PTBP3: variants seen among roughly 807,000 people sequenced by gnomAD.
PTBP3 encodes polypyrimidine tract-binding protein 3.
PTBP3 carries 20 observed loss-of-function variants against 58.7 expected under a neutral mutation model. That is an observed-to-expected ratio of 0.34 (90% confidence interval 0.24 to 0.50). The LOEUF (loss-of-function observed/expected upper bound fraction) is 0.50. Ranked by LOEUF, PTBP3 falls within the 20% of genes least tolerant of loss-of-function variation. The pLI is 0.98. For synonymous variants in PTBP3, 185 were observed against 219.8 expected (o/e 0.84, Z 1.40); for missense variants, 509 against 637.2 (o/e 0.80, Z 2.17).
chr9:112,296,879 C>G (rs1366942065), intron 2 of PTBP3, among the ~76,000 whole-genome samples: 1 of 152,130 alleles, frequency 6.6e-6, no homozygotes, highest in Non-Finnish European at 1.5e-5. Flanking sequence ...TTCAAACATT[C>G]AATTAATCAT....
chr9:112,230,487 G>A (rs1456371808), intron 10 of PTBP3, among the ~76,000 whole-genome samples: 3 of 151,958 alleles, frequency 2.0e-5, no homozygotes, highest in African/African-American at 7.3e-5. Context: ...AACTTTTCTA[G>A]ATAAAACATG....
At chr9:112,312,510 AAAAAG>A (rs1043040312) in intron 1 of PTBP3, among the ~76,000 whole-genome samples, 3 of 150,096 alleles carry the variant, frequency 2.0e-5, no homozygotes, top group African/African-American at 7.3e-5. Context: ...TAAAAAAAAA[AAAAAG>A]GACGTGTGTG....
chr9:112,277,634 ATCAC>A (rs1289791921), intron 2 of PTBP3, among the ~76,000 whole-genome samples: 3 of 151,962 alleles, frequency 2.0e-5, no homozygotes, highest in Non-Finnish European at 4.4e-5. Context: ...AGGTGGGCTG[ATCAC>A]CTGCAGTCAG....
the PTBP3 span, among the ~76,000 whole-genome samples, chr9:112,361,778 C>T: frequency 1.3e-5 from 2 of 152,160 alleles, no homozygotes; most frequent in African/African-American, 2.4e-5. Flanking sequence ...TGTGGACATT[C>T]GGGAACTAGC....
At chr9:112,251,139 A>T in intron 6 of PTBP3, 36 bp from the exon 7 acceptor site, 1 of 1,437,846 alleles carries the variant, frequency 7.0e-7, no homozygotes, top group Non-Finnish European at 9.2e-7. Context: ...TTTTGGCAAG[A>T]CAACAACACT....
At chr9:112,266,989 G>C (rs1350915863) in intron 4 of PTBP3, among the ~76,000 whole-genome samples, 1 of 152,124 alleles carries the variant, frequency 6.6e-6, no homozygotes, top group Admixed American at 6.6e-5. Flanking sequence ...CCTAAAATAA[G>C]TTAAGGATTA....
At chr9:112,376,197 A>ATATG in the PTBP3 span, among the ~76,000 whole-genome samples, 5 of 112,142 alleles carry the variant, frequency 4.5e-5, no homozygotes, top group East Asian at 8.5e-4. Flanking sequence ...TTCCTTATAT[A>ATATG]CGTGTGTGTG....
chr9:112,252,540 T>C (rs1024851082), intron 6 of PTBP3, 138 bp downstream of exon 6: 11 of 653,198 alleles, frequency 1.7e-5, no homozygotes, highest in Non-Finnish European at 2.9e-5. Flanking sequence ...CATGGAATCA[T>C]ACACTTTAAA....
At position 112,268,067 on chromosome 9, in the gene PTBP3, G is replaced by T. The variant is rs754666384; in HGVS notation, c.333C>A (p.Asp111Glu). ...TACTTACAGCTTGATTAGGTAGATT[G>T]TCAGTCTTAAGTTCTCTGTGATTGG... ...QYSNHRELKTDNLPNQARAQA... is the reference protein window; with the variant it reads ...QYSNHRELKTENLPNQARAQA... Residue 111 changes from aspartate (D) to glutamate (E), a missense_variant, in exon 4 of 14, where the codon GAC becomes GAA. Physicochemically the swap from Asp to Glu is conservative, Grantham distance 45 (BLOSUM62 2). Transcript: ENST00000374257. 2.5e-6 allele frequency: 4 copies of T among 1,611,176 alleles called. No homozygotes were observed. The South Asian group carries it at 4.4e-5, about 18-fold the overall frequency.
chr9:112,276,402 T>C (rs1359766121), intron 2 of PTBP3, among the ~76,000 whole-genome samples: 1 of 152,194 alleles, frequency 6.6e-6, no homozygotes, highest in East Asian at 1.9e-4. Flanking sequence ...TATTGCTAAA[T>C]AAATAAAATT....
At chr9:112,363,023 C>A in the PTBP3 span, 1 of 199,754 alleles carries the variant, frequency 5.0e-6, no homozygotes, top group Non-Finnish European at 1.0e-5. Flanking sequence ...AATGTGTCCT[C>A]TGGAACTGCA....
At chr9:112,272,032 C>T (rs1435008864) in intron 3 of PTBP3, among the ~76,000 whole-genome samples, 2 of 151,938 alleles carry the variant, frequency 1.3e-5, no homozygotes, top group Admixed American at 1.3e-4. Context: ...ACTTACAAAG[C>T]TTTAAGGTGG....
At chr9:112,340,692 C>A in the PTBP3 span, among the ~76,000 whole-genome samples, 1 of 151,834 alleles carries the variant, frequency 6.6e-6, no homozygotes, top group African/African-American at 2.4e-5. Flanking sequence ...AGACCAGCCT[C>A]AACATGGAGA....
chr9:112,277,770 G>C lies in PTBP3; in HGVS notation c.35-1757C>G, dbSNP rs150349325. Reference sequence around the variant, plus strand: ...CGTATGCCTGTAATCCAGCTACTTGGGAGGCTGAGGCAAGAGAGTCACTTG... The same window carrying C: ...CGTATGCCTGTAATCCAGCTACTTGCGAGGCTGAGGCAAGAGAGTCACTTG... On this transcript the variant is annotated intron_variant, in intron 2 of 13. Transcript: ENST00000374257. Among the ~76,000 whole-genome samples the C allele has an allele frequency of 1.4e-3, 210 of 152,096 alleles. 1 individual carries two copies. The highest frequency in any genetic ancestry group is 4.8e-3 in the African/African-American group (201 of 41,488).
intron 6 of PTBP3, among the ~76,000 whole-genome samples, chr9:112,251,729 C>CT (rs1836126142): frequency 6.6e-6 from 1 of 152,072 alleles, no homozygotes; most frequent in Non-Finnish European, 1.5e-5. Flanking sequence ...TTTGTGGCCA[C>CT]TTAACGACTT....
upstream of PTBP3, among the ~76,000 whole-genome samples, chr9:112,335,504 T>C (rs1830563313): frequency 6.6e-6 from 1 of 151,028 alleles, no homozygotes; most frequent in Non-Finnish European, 1.5e-5. Context: ...CAGGCTGGTC[T>C]CGAACTCCTG....
At chr9:112,256,990 C>A (rs1163676283) in intron 5 of PTBP3, among the ~76,000 whole-genome samples, 1 of 152,148 alleles carries the variant, frequency 6.6e-6, no homozygotes, top group Non-Finnish European at 1.5e-5. Flanking sequence ...TTTGCTCTAA[C>A]ATTTGGAAAA....
At chr9:112,217,752 C>A (rs946430006), downstream of PTBP3, 1 of 152,116 alleles carries the variant, frequency 6.6e-6, no homozygotes, top group Non-Finnish European at 1.5e-5. Context: ...TTTATGGAGA[C>A]CACAGATTTT....
chr9:112,262,656 T>G (rs907813630), intron 4 of PTBP3, 57 bp from the exon 5 acceptor site: 2 of 1,434,810 alleles, frequency 1.4e-6, no homozygotes, highest in Non-Finnish European at 1.8e-6. Context: ...ATATGAATCC[T>G]AAAATTTAGT....
Sources: allele counts gnomAD v4.1 joint callset (sites outside exome capture counted in the v4.1 genomes callset), GRCh38; gene constraint gnomAD v4.1.1; transcripts MANE v1.5; gene names NCBI Gene and HGNC (gene_info 2026-07-23, HGNC 2026-07-21).